FGGY: variants seen among roughly 807,000 people sequenced by gnomAD.
The protein encoded by FGGY is FGGY carbohydrate kinase domain-containing protein.
A neutral mutation model predicts 71.3 loss-of-function variants in FGGY; 72 were observed. That is an observed-to-expected ratio of 1.01 (90% CI 0.84 to 1.23). FGGY has a LOEUF of 1.23. Ranked by LOEUF, FGGY falls within the 50% of genes most tolerant of loss-of-function variation. The pLI is 0.00. For synonymous variants in FGGY, 251 were observed against 250.3 expected, an observed-to-expected ratio of 1.00 and a Z score of -0.02; for missense variants, 668 against 682.3, an observed-to-expected ratio of 0.98 and a Z score of 0.23.
intron 14 of FGGY, among the ~76,000 whole-genome samples, chr1:59,703,707 G>A (rs2097729089): frequency 6.6e-6 from 1 of 152,178 alleles, no homozygotes; most frequent in Non-Finnish European, 1.5e-5. Context: ...CATCTGAAAA[G>A]GATCTGTCTT....
At chr1:59,745,970 G>T (rs2098193696) in intron 14 of FGGY, among the ~76,000 whole-genome samples, 1 of 152,210 alleles carries the variant, frequency 6.6e-6, no homozygotes, top group African/African-American at 2.4e-5. Context: ...AAGGGGGGCT[G>T]TGGGAGTATT....
chr1:59,433,907 C>A (rs1438928362), intron 5 of FGGY, among the ~76,000 whole-genome samples: 1 of 152,212 alleles, frequency 6.6e-6, no homozygotes, highest in African/African-American at 2.4e-5. Flanking sequence ...ATGGAGTTAA[C>A]CCTTCCCTGC....
At chr1:59,511,958 TCTG>T (rs1226828101) in intron 6 of FGGY, among the ~76,000 whole-genome samples, 1 of 152,220 alleles carries the variant, frequency 6.6e-6, no homozygotes, top group Non-Finnish European at 1.5e-5. Flanking sequence ...GGTTAGTAGA[TCTG>T]CTGTGTTAGG....
chr1:59,477,701 T>G (rs1369302529), intron 6 of FGGY, among the ~76,000 whole-genome samples: 1 of 152,116 alleles, frequency 6.6e-6, no homozygotes, highest in African/African-American at 2.4e-5. Flanking sequence ...CCACTGTAAT[T>G]TTCCCCCCAC....
chr1:59,705,801 AC>A (rs1190426543), intron 14 of FGGY, among the ~76,000 whole-genome samples: 6 of 152,202 alleles, frequency 3.9e-5, no homozygotes, highest in African/African-American at 1.4e-4. Flanking sequence ...TCTGCTCAAT[AC>A]ATGTTTGCTT....
chr1:59,319,566 C>T (rs1439727259), intron 1 of FGGY, among the ~76,000 whole-genome samples: 1 of 152,136 alleles, frequency 6.6e-6, no homozygotes, highest in Non-Finnish European at 1.5e-5. Context: ...GAATTGATGG[C>T]TGACCTGGGT....
chr1:59,546,523 G>GATTATTATTATTATTATT (rs1479582691), intron 7 of FGGY, among the ~76,000 whole-genome samples: 2 of 74,364 alleles, frequency 2.7e-5, no homozygotes, highest in African/African-American at 1.3e-4. Context: ...TGATGATGAT[G>GATTATTATTATTATTATT]ATGATGATGA....
At chr1:59,598,016 G>T (rs923495511) in intron 8 of FGGY, among the ~76,000 whole-genome samples, 1 of 152,170 alleles carries the variant, frequency 6.6e-6, no homozygotes, top group African/African-American at 2.4e-5. Context: ...GATGGAGCAC[G>T]CTACCTCCTC....
intron 14 of FGGY, among the ~76,000 whole-genome samples, chr1:59,753,633 A>T (rs1398982007): frequency 6.6e-6 from 1 of 150,988 alleles, no homozygotes; most frequent in Non-Finnish European, 1.5e-5. Flanking sequence ...CCAACCTGTT[A>T]ACATTTTAAT....
At chr1:59,466,567 C>T (rs2092642117) in intron 6 of FGGY, among the ~76,000 whole-genome samples, 1 of 152,220 alleles carries the variant, frequency 6.6e-6, no homozygotes, top group South Asian at 2.1e-4. Flanking sequence ...AGTGAACAGG[C>T]AACCTACAGA....
intron 7 of FGGY, among the ~76,000 whole-genome samples, chr1:59,526,737 C>G (rs747760682): frequency 6.6e-6 from 1 of 152,182 alleles, no homozygotes; most frequent in Non-Finnish European, 1.5e-5. Context: ...CCTCGCCATT[C>G]AAATGTGCGA....
In FGGY at chr1:59,338,081, A is replaced by G. The variant is rs1055963879; in HGVS notation, c.202-1877A>G. ...GGAGGGTAGGGGTTCTTTTTTCTGC[A>G]TCTGTTGAGATGATCATTTGGTGTT... On this transcript the variant is annotated intron_variant, in intron 2 of 15. Transcript: ENST00000303721. Among the ~76,000 whole-genome samples the G allele has an allele frequency of 2.6e-5, 4 of 152,076 alleles. No individual in the cohort carries two copies. The East Asian group carries it at 7.7e-4, about 29-fold the overall frequency.
chr1:59,432,504 G>A (rs367875985), intron 5 of FGGY, among the ~76,000 whole-genome samples: 15 of 152,198 alleles, frequency 9.9e-5, no homozygotes, highest in East Asian at 7.7e-4. Context: ...TGAATTGTGG[G>A]ACACCTGGTT....
chr1:59,536,366 C>A (rs936807906), intron 7 of FGGY, among the ~76,000 whole-genome samples: 2 of 152,140 alleles, frequency 1.3e-5, no homozygotes, highest in Non-Finnish European at 2.9e-5. Context: ...AAGTCCAGGA[C>A]CAGATGGATT....
intron 7 of FGGY, among the ~76,000 whole-genome samples, chr1:59,516,013 G>A (rs1397476172): frequency 6.6e-6 from 1 of 152,318 alleles, no homozygotes; most frequent in East Asian, 1.9e-4. Flanking sequence ...AAGGGCACAG[G>A]AAGGTGATAG....
At chr1:59,310,263 T>G (rs1321141273) in intron 1 of FGGY, 2 of 152,188 alleles carry the variant, frequency 1.3e-5, no homozygotes, top group African/African-American at 2.4e-5. Context: ...ATAATAGCAT[T>G]GCTTTGAAGG....
intron 14 of FGGY, among the ~76,000 whole-genome samples, chr1:59,732,217 A>G (rs1338666439): frequency 6.6e-5 from 10 of 152,110 alleles, no homozygotes; most frequent in African/African-American, 2.2e-4. Context: ...AGAGAATTTT[A>G]CTTCTGTAGC....
chr1:59,723,570 G>GGC (rs1553431210), intron 14 of FGGY, among the ~76,000 whole-genome samples: 1 of 148,760 alleles, frequency 6.7e-6, no homozygotes, highest in East Asian at 2.0e-4. Flanking sequence ...TTTTGGGGGG[G>GGC]GGTGGTTGGG....
chr1:59,411,181 T>C (rs1015419461), intron 5 of FGGY, among the ~76,000 whole-genome samples: 1 of 152,262 alleles, frequency 6.6e-6, no homozygotes, highest in African/African-American at 2.4e-5. Context: ...TTGTCTTTCA[T>C]GACCATGACG....
Sources: allele counts gnomAD v4.1 joint callset (sites outside exome capture counted in the v4.1 genomes callset), GRCh38; gene constraint gnomAD v4.1.1; transcripts MANE v1.5; gene names NCBI Gene and HGNC (gene_info 2026-07-23, HGNC 2026-07-21).